Variants in CORO2B observed in about 807,000 individuals in gnomAD.
CORO2B encodes coronin 2B, also known as coronin-2B.
In CORO2B, 26 loss-of-function variants were observed where a neutral mutation model predicts 58.8. The observed-to-expected ratio is 0.44, with a 90% CI of 0.32 to 0.61. The LOEUF (loss-of-function observed/expected upper bound fraction) is 0.61. Ranked by LOEUF, CORO2B falls within the 20% of genes least tolerant of loss-of-function variation. The pLI is 0.04. For missense variants in CORO2B, 460 were observed against 645.1 expected (o/e 0.71, Z 3.11); for synonymous variants, 242 against 253.8 (o/e 0.95, Z 0.44).
intron 2 of CORO2B, among the ~76,000 whole-genome samples, chr15:68,652,973 C>T (rs1396765867): frequency 6.6e-6 from 1 of 152,172 alleles, no homozygotes; most frequent in South Asian, 2.1e-4. Flanking sequence ...TCAACCAACA[C>T]TTTATTACAC....
chr15:68,711,411 C>T (rs991500341), intron 4 of CORO2B, 131 bp from the exon 5 acceptor site: 22 of 686,824 alleles, frequency 3.2e-5, no homozygotes, highest in Non-Finnish European at 4.8e-5. Context: ...CAATGACCCC[C>T]TCCTGCACCC....
intron 2 of CORO2B, among the ~76,000 whole-genome samples, chr15:68,663,116 A>G (rs1208149416): frequency 6.6e-6 from 1 of 152,226 alleles, no homozygotes; most frequent in Non-Finnish European, 1.5e-5. Flanking sequence ...TTCAGAGGTC[A>G]ATCTTTTTTA....
At chr15:68,567,113 G>T in the CORO2B span, among the ~76,000 whole-genome samples, 4 of 152,160 alleles carry the variant, frequency 2.6e-5, no homozygotes, top group African/African-American at 9.7e-5. Context: ...GGTATACCAT[G>T]TGCTTAGAAA....
At chr15:68,655,107 T>A (rs1481877546) in intron 2 of CORO2B, among the ~76,000 whole-genome samples, 1 of 152,168 alleles carries the variant, frequency 6.6e-6, no homozygotes, top group African/African-American at 2.4e-5. Context: ...CCAGCCTGCC[T>A]GTTTATCTGG....
chr15:68,657,400 C>A (rs1223036628), intron 2 of CORO2B, among the ~76,000 whole-genome samples: 1 of 151,350 alleles, frequency 6.6e-6, no homozygotes, highest in Admixed American at 6.6e-5. Flanking sequence ...GCTAGTAGTC[C>A]CAGATACTCG....
intron 3 of CORO2B, among the ~76,000 whole-genome samples, chr15:68,709,693 G>GT (rs1220476927): frequency 6.6e-6 from 1 of 151,240 alleles, no homozygotes; most frequent in Admixed American, 6.6e-5. Context: ...TTCTTTTTTT[G>GT]TTTTTTTAAA....
intron 8 of CORO2B, among the ~76,000 whole-genome samples, chr15:68,716,557 A>C (rs1282400927): frequency 6.6e-6 from 1 of 152,216 alleles, no homozygotes; most frequent in African/African-American, 2.4e-5. Context: ...CAATAAACAA[A>C]TAAGAAAAAT....
chr15:68,604,926 C>T (rs781626682), intron 1 of CORO2B, among the ~76,000 whole-genome samples: 9 of 151,912 alleles, frequency 5.9e-5, no homozygotes, highest in South Asian at 4.2e-4. Context: ...CCAATCTGGC[C>T]AACATAGTGA....
At chr15:68,642,155 G>A (rs531870093) in intron 1 of CORO2B, among the ~76,000 whole-genome samples, 75 of 150,500 alleles carry the variant, frequency 5.0e-4, no homozygotes, top group African/African-American at 1.7e-3. Flanking sequence ...TCCTGCTTCA[G>A]CCTCCCGACC....
At chr15:68,590,783 A>G (rs777436506) in intron 1 of CORO2B, among the ~76,000 whole-genome samples, 41 of 152,074 alleles carry the variant, frequency 2.7e-4, no homozygotes, top group South Asian at 2.3e-3. Context: ...CTGAGAGGCA[A>G]ATGAGGCAGG....
At chr15:68,566,293 G>A in the CORO2B span, among the ~76,000 whole-genome samples, 1 of 152,254 alleles carries the variant, frequency 6.6e-6, no homozygotes, top group African/African-American at 2.4e-5. Flanking sequence ...CATTTGATAG[G>A]AGAGGAAACA....
At position 68,590,349 on chromosome 15, in the gene CORO2B, G is replaced by C. The variant is rs142433787; in HGVS notation, c.15+11072G>C. On this transcript the variant is annotated intron_variant, in intron 1 of 11. Transcript: ENST00000261861. ...GAACAATGGAACAACAAAGCTCTTC[G>C]GAGGCTGCCCCCCCATGCCCAGCCC... Among the ~76,000 whole-genome samples, 1,274 of 152,078 alleles carry C rather than the reference G, an allele frequency of 8.4e-3. 17 individuals carry two copies. The highest frequency in any genetic ancestry group is 0.04 in the South Asian group (194 of 4,818).
intron 1 of CORO2B, among the ~76,000 whole-genome samples, chr15:68,621,331 G>A (rs145375624): frequency 3.3e-5 from 5 of 152,336 alleles, no homozygotes; most frequent in Non-Finnish European, 7.3e-5. Flanking sequence ...AACGCAGTGC[G>A]TGCCAGCATG....
At chr15:68,560,861 G>A in the CORO2B span, among the ~76,000 whole-genome samples, 1 of 152,236 alleles carries the variant, frequency 6.6e-6, no homozygotes, top group African/African-American at 2.4e-5. Context: ...GGGGACCAGA[G>A]GAAGCAGAAC....
chr15:68,645,537 C>A lies in CORO2B; in HGVS notation c.216+177C>A, dbSNP rs2140273208. Among the ~76,000 whole-genome samples the A allele has an allele frequency of 6.6e-6, 1 of 152,250 alleles. No individual in the cohort carries two copies. The highest frequency in any genetic ancestry group is 2.4e-5 in the African/African-American group (1 of 41,552). ...TTCCTGAGATTCAACAGAACAAGTG[C>A]AGGACCTGGATCCAGGAGACCTGAG... On this transcript the variant is annotated intron_variant, in intron 2 of 11. Coordinates refer to ENST00000261861, the MANE Select transcript of CORO2B (RefSeq NM_006091.5). The surrounding 1 kb of genome is among the most constrained non-coding windows in gnomAD (Gnocchi z 4.5).
intron 1 of CORO2B, among the ~76,000 whole-genome samples, chr15:68,619,053 G>A (rs1900443066): frequency 1.3e-5 from 2 of 152,128 alleles, no homozygotes; most frequent in South Asian, 4.1e-4. Context: ...AGTCAGGTCA[G>A]CAGCCCCAGA....
chr15:68,533,022 T>A, the CORO2B span, among the ~76,000 whole-genome samples: 12 of 152,202 alleles, frequency 7.9e-5, no homozygotes, highest in Non-Finnish European at 1.6e-4. Context: ...AATGAAATCC[T>A]TTTGCACTTT....
chr15:68,593,690 T>C (rs975452356), intron 1 of CORO2B, among the ~76,000 whole-genome samples: 4 of 151,966 alleles, frequency 2.6e-5, no homozygotes, highest in Non-Finnish European at 5.9e-5. Flanking sequence ...TGAAAAGAGC[T>C]ATCAGTCCAG....
the CORO2B span, among the ~76,000 whole-genome samples, chr15:68,548,338 A>T: frequency 6.6e-6 from 1 of 152,178 alleles, no homozygotes; most frequent in Admixed American, 6.5e-5. Flanking sequence ...ACATTAGACT[A>T]GCCAATGCTT....
Sources: allele counts gnomAD v4.1 joint callset (sites outside exome capture counted in the v4.1 genomes callset), GRCh38; gene constraint gnomAD v4.1.1; non-coding constraint Gnocchi (gnomAD v3.1); transcripts MANE v1.5; gene names NCBI Gene and HGNC (gene_info 2026-07-23, HGNC 2026-07-21).